ANKRD11: variants seen among roughly 807,000 people sequenced by gnomAD.
ANKRD11 encodes the protein ankyrin repeat domain 11.
A neutral mutation model predicts 195.7 loss-of-function variants in ANKRD11; 17 were observed. That is an observed-to-expected ratio of 0.09 (90% CI 0.06 to 0.13). The LOEUF (loss-of-function observed/expected upper bound fraction) is 0.13, where lower values mean the gene tolerates loss of function less well. Ranked by LOEUF, ANKRD11 falls within the 10% of genes least tolerant of loss-of-function variation. The probability of loss-of-function intolerance (pLI) is 1.00; values close to 1 mark genes in which losing one functional copy is unlikely to be tolerated. For missense variants in ANKRD11, 3,735 were observed against 3,566.1 expected (o/e 1.05, Z -1.21); for synonymous variants, 1,953 against 1,528.1 (o/e 1.28, Z -6.49).
chr16:89,354,527 AG>A (rs1465687135), intron 2 of ANKRD11, among the ~76,000 whole-genome samples: 8 of 152,180 alleles, frequency 5.3e-5, no homozygotes, highest in East Asian at 3.9e-4. Context: ...CTTGATAGGG[AG>A]GGCACTTCTA....
intron 2 of ANKRD11, among the ~76,000 whole-genome samples, chr16:89,381,354 A>ATGGGG: frequency 8.0e-6 from 1 of 125,338 alleles, no homozygotes; most frequent in South Asian, 2.4e-4. Flanking sequence ...AAAAAAAAAA[A>ATGGGG]GGGGTGAGAA....
intron 2 of ANKRD11, chr16:89,323,982 C>G: frequency 4.5e-6 from 1 of 220,066 alleles, no homozygotes; most frequent in South Asian, 5.7e-5. Context: ...CCCCAAAATT[C>G]ACAGGTTCAA....
At chr16:89,489,919 T>G (rs1597580433) in intron 1 of ANKRD11, among the ~76,000 whole-genome samples, 1 of 91,774 alleles carries the variant, frequency 1.1e-5, no homozygotes, top group Non-Finnish European at 2.2e-5. Flanking sequence ...GGAGCCCCCG[T>G]CCGCCCCTTA....
chr16:89,314,448 A>C (rs954622667), intron 3 of ANKRD11, among the ~76,000 whole-genome samples: 1 of 152,172 alleles, frequency 6.6e-6, no homozygotes, highest in Non-Finnish European at 1.5e-5. Context: ...AACTCAAAGC[A>C]GCTGAGCGCA....
chr16:89,325,576 T>C (rs2037663965), intron 2 of ANKRD11, among the ~76,000 whole-genome samples: 1 of 152,172 alleles, frequency 6.6e-6, no homozygotes, highest in South Asian at 2.1e-4. Context: ...TAGGGATGCA[T>C]ACTTAGTTGA....
At chr16:89,393,197 C>A (rs966205142) in intron 2 of ANKRD11, among the ~76,000 whole-genome samples, 2 of 152,180 alleles carry the variant, frequency 1.3e-5, no homozygotes, top group African/African-American at 4.8e-5. Context: ...CTTGAGAGCA[C>A]GACGCCAGCC....
intron 2 of ANKRD11, 27 bp downstream of exon 2, chr16:89,418,257 T>C (rs762392396): frequency 8.8e-5 from 40 of 452,376 alleles, no homozygotes; most frequent in South Asian, 5.6e-4. Context: ...AAAACATAAA[T>C]TGATAGAGAA....
chr16:89,462,544 G>A (rs1217426562), intron 1 of ANKRD11, among the ~76,000 whole-genome samples: 1 of 151,764 alleles, frequency 6.6e-6, no homozygotes, highest in Non-Finnish European at 1.5e-5. Context: ...TCTGGGATGT[G>A]AGGAGCCCCT....
chr16:89,384,487 C>A (rs139812375), intron 2 of ANKRD11, among the ~76,000 whole-genome samples: 3 of 150,564 alleles, frequency 2.0e-5, no homozygotes, highest in Admixed American at 1.3e-4. Context: ...GGGAATGGGA[C>A]GAGATGGAAA....
chr16:89,288,744 G>A, intron 6 of ANKRD11, 74 bp from the exon 7 acceptor site: 1 of 1,608,158 alleles, frequency 6.2e-7, no homozygotes, highest in Non-Finnish European at 8.5e-7. Flanking sequence ...GCAGCGCCCT[G>A]AGGATGTGCT....
intron 2 of ANKRD11, among the ~76,000 whole-genome samples, chr16:89,380,759 G>C (rs146512254): frequency 6.6e-6 from 1 of 152,248 alleles, no homozygotes; most frequent in African/African-American, 2.4e-5. Context: ...TGGAGGCCTC[G>C]TGGGGCATCT....
chr16:89,335,907 G>A (rs991475085), intron 2 of ANKRD11, among the ~76,000 whole-genome samples: 1 of 152,156 alleles, frequency 6.6e-6, no homozygotes, highest in African/African-American at 2.4e-5. Context: ...GCAGCTGACT[G>A]GCCAGACCCC....
At chr16:89,338,726 CAAA>C (rs34799616) in intron 2 of ANKRD11, among the ~76,000 whole-genome samples, 2 of 43,792 alleles carry the variant, frequency 4.6e-5, no homozygotes, top group Admixed American at 5.8e-4. Context: ...CACTCAGTCT[CAAA>C]AAAAAAAAAA....
chr16:89,401,415 G>A (rs968017682), intron 2 of ANKRD11, among the ~76,000 whole-genome samples: 3 of 152,116 alleles, frequency 2.0e-5, no homozygotes, highest in Non-Finnish European at 2.9e-5. Context: ...TAAATATCAC[G>A]CTGGGATAAT....
intron 9 of ANKRD11, 86 bp downstream of exon 9, chr16:89,278,986 A>C: frequency 6.4e-7 from 1 of 1,565,420 alleles, no homozygotes; most frequent in South Asian, 1.2e-5. Flanking sequence ...TGAGTGGGAC[A>C]AGACGGGCTG....
At chr16:89,306,959 G>A (rs1034501509) in intron 3 of ANKRD11, among the ~76,000 whole-genome samples, 9 of 152,020 alleles carry the variant, frequency 5.9e-5, no homozygotes, top group Admixed American at 3.3e-4. Flanking sequence ...CACACACAGC[G>A]CTTGGGACGT....
intron 1 of ANKRD11, among the ~76,000 whole-genome samples, chr16:89,423,803 G>A (rs1055977280): frequency 1.3e-5 from 2 of 152,166 alleles, no homozygotes; most frequent in Admixed American, 1.3e-4. Context: ...CTACGCAATG[G>A]CAGCCAGCCT....
At chr16:89,421,050 G>A (rs888033500) in intron 1 of ANKRD11, among the ~76,000 whole-genome samples, 2 of 152,158 alleles carry the variant, frequency 1.3e-5, no homozygotes, top group African/African-American at 2.4e-5. Flanking sequence ...AGACATGAAG[G>A]GTCAGTGTGT....
intron 2 of ANKRD11, among the ~76,000 whole-genome samples, chr16:89,405,678 G>C (rs2041877004): frequency 6.6e-6 from 1 of 151,994 alleles, no homozygotes; most frequent in African/African-American, 2.4e-5. Context: ...CTGCAGATAA[G>C]GCATGTTCTC....
Sources: allele counts gnomAD v4.1 joint callset (sites outside exome capture counted in the v4.1 genomes callset), GRCh38; gene constraint gnomAD v4.1.1; transcripts MANE v1.5; gene names NCBI Gene and HGNC (gene_info 2026-07-23, HGNC 2026-07-21).